Variants in SNTB1 observed in about 807,000 individuals in gnomAD.
SNTB1 encodes beta-1-syntrophin.
In SNTB1, 36 loss-of-function variants were observed where a neutral mutation model predicts 48.9. That is an observed-to-expected ratio of 0.74 (90% CI 0.56 to 0.97). SNTB1 has a LOEUF of 0.97. Among genes scored for constraint, SNTB1 ranks in the 50% least tolerant of loss-of-function variants. SNTB1 has a pLI of 0.00. For missense variants in SNTB1, 786 were observed against 703.4 expected, an observed-to-expected ratio of 1.12 and a Z score of -1.33; for synonymous variants, 299 against 294.6, an observed-to-expected ratio of 1.01 and a Z score of -0.15.
chr8:120,677,583 A>T (rs560357921), intron 2 of SNTB1, among the ~76,000 whole-genome samples: 1 of 152,316 alleles, frequency 6.6e-6, no homozygotes, highest in East Asian at 1.9e-4. Context: ...ATACTGAAAG[A>T]ATCCTTTGAT....
rs140504768 is a variant in SNTB1, at chr8:120,790,879, C to T, written c.571+20394G>A. On this transcript the variant is annotated intron_variant, in intron 1 of 6. Coordinates refer to ENST00000517992, the MANE Select transcript of SNTB1 (RefSeq NM_021021.4). ...TGTCAACATCATTTTTTAAAGAATT[C>T]GAAAAAAATCATCCTCAAATTCCTA... Among the ~76,000 whole-genome samples the T allele has an allele frequency of 2.7e-3, 403 of 151,362 alleles. 1 individual carries two copies. Among genetic ancestry groups the T allele is most frequent in the Non-Finnish European group, 3.7e-3 (253 of 67,650 alleles).
At chr8:120,643,717 T>C (rs1333264965) in intron 2 of SNTB1, among the ~76,000 whole-genome samples, 1 of 152,220 alleles carries the variant, frequency 6.6e-6, no homozygotes, top group Non-Finnish European at 1.5e-5. Context: ...ATTGTGTTGC[T>C]ATAAACATGA....
At chr8:120,762,340 G>A (rs1281434057) in intron 1 of SNTB1, among the ~76,000 whole-genome samples, 1 of 152,122 alleles carries the variant, frequency 6.6e-6, no homozygotes, top group Non-Finnish European at 1.5e-5. Flanking sequence ...TAAATAGGGT[G>A]GCGGTTCTGC....
At chr8:120,696,479 T>C (rs1378961309) in intron 1 of SNTB1, among the ~76,000 whole-genome samples, 1 of 152,178 alleles carries the variant, frequency 6.6e-6, no homozygotes, top group Non-Finnish European at 1.5e-5. Flanking sequence ...TTGAATCAGG[T>C]GCTTTACATA....
At chr8:120,670,288 T>A (rs1268790155) in intron 2 of SNTB1, among the ~76,000 whole-genome samples, 1 of 152,228 alleles carries the variant, frequency 6.6e-6, no homozygotes, top group Non-Finnish European at 1.5e-5. Flanking sequence ...GATGGTTCCA[T>A]GACACATGGG....
chr8:120,744,195 G>A (rs552301013), intron 1 of SNTB1, among the ~76,000 whole-genome samples: 14 of 150,852 alleles, frequency 9.3e-5, no homozygotes, highest in East Asian at 7.9e-4. Flanking sequence ...TCTTCACTTC[G>A]ATTTATTTCC....
At chr8:120,543,083 A>G (rs1033121481) in intron 5 of SNTB1, among the ~76,000 whole-genome samples, 2 of 152,290 alleles carry the variant, frequency 1.3e-5, no homozygotes, top group Non-Finnish European at 2.9e-5. Context: ...GCCAGCTTTT[A>G]TCTGGGATTC....
chr8:120,782,961 T>TA (rs1819854693), intron 1 of SNTB1, among the ~76,000 whole-genome samples: 2 of 152,156 alleles, frequency 1.3e-5, no homozygotes, highest in Non-Finnish European at 2.9e-5. Flanking sequence ...TAAGAATATA[T>TA]CTCTTCACAG....
chr8:120,580,440 A>T (rs1397919660), intron 3 of SNTB1, among the ~76,000 whole-genome samples: 1 of 152,224 alleles, frequency 6.6e-6, no homozygotes, highest in Non-Finnish European at 1.5e-5. Flanking sequence ...AAATGAGACA[A>T]TGTATATAAA....
Position 120,538,926 on chromosome 8 carries a change from A to G in SNTB1, c.1568T>C (p.Ile523Thr). 1 of 1,613,854 alleles carries G rather than the reference A, an allele frequency of 6.2e-7. No homozygotes were observed. Among genetic ancestry groups the G allele is most frequent in the Non-Finnish European group, 8.5e-7 (1 of 1,179,818 alleles). The change falls in exon 7 of 7, where the codon ATT becomes ACT. Residue 523 changes from isoleucine (I) to threonine (T), a missense_variant. Physicochemically the swap from Ile to Thr is moderately conservative, Grantham distance 89. Transcript: ENST00000517992. ...AATCTTAGCTGACAGGAAGGAATGA[A>G]TGATGAAAACAATTGGCTTGGGGCA... is the stretch of plus-strand genomic sequence containing the variant. ...HSCPKPIVFIIHSFLSAKITR... is the reference protein window; with the variant it reads ...HSCPKPIVFITHSFLSAKITR...
intron 2 of SNTB1, among the ~76,000 whole-genome samples, chr8:120,681,565 G>A (rs1437724188): frequency 6.6e-6 from 1 of 151,960 alleles, no homozygotes; most frequent in Non-Finnish European, 1.5e-5. Context: ...CTGAGTGTTG[G>A]GACTCTCAGA....
intron 1 of SNTB1, among the ~76,000 whole-genome samples, chr8:120,701,843 T>C (rs986973567): frequency 7.9e-5 from 12 of 152,224 alleles, no homozygotes; most frequent in Non-Finnish European, 1.8e-4. Flanking sequence ...AGTTTTAAAA[T>C]GTGGAGTTGA....
chr8:120,625,226 T>C (rs949373650), intron 3 of SNTB1, among the ~76,000 whole-genome samples: 4 of 152,182 alleles, frequency 2.6e-5, no homozygotes, highest in African/African-American at 9.7e-5. Context: ...ACATGAACAC[T>C]GGGGGACACG....
intron 3 of SNTB1, among the ~76,000 whole-genome samples, chr8:120,599,395 A>G (rs946705417): frequency 1.3e-5 from 2 of 152,276 alleles, no homozygotes; most frequent in South Asian, 4.1e-4. Context: ...CCTTGTGTGC[A>G]CATGCAGATT....
In SNTB1 at chr8:120,693,813, C is replaced by T; in HGVS notation, c.667G>A (p.Gly223Arg). The T allele has an allele frequency of 6.2e-7, 1 of 1,614,170 alleles. No homozygotes were observed. Among genetic ancestry groups the T allele is most frequent in the Non-Finnish European group, 8.5e-7 (1 of 1,180,004 alleles). Residue 223 changes from glycine (G) to arginine (R), a missense_variant, in exon 2 of 7, where the codon GGG becomes AGG. Transcript: ENST00000517992. The part of the protein sequence containing the change: ...ETPPPESPRL[G>R]GSTSDPPSSQ... ...GACGGGGGGTCTGAGGTGCTGCCCC[C>T]TAACCGAGGGGATTCAGGCGGAGGT...
chr8:120,775,703 G>T (rs1470964592), intron 1 of SNTB1, among the ~76,000 whole-genome samples: 4 of 139,886 alleles, frequency 2.9e-5, no homozygotes, highest in African/African-American at 1.1e-4. Flanking sequence ...GGGAGGGAAG[G>T]AGACAAGGAA....
rs116487818 is a variant in SNTB1, at chr8:120,550,984, G to A, written c.1137-2026C>T. Among the ~76,000 whole-genome samples, 885 of 152,182 alleles carry A rather than the reference G, an allele frequency of 5.8e-3. 9 individuals are homozygous for A. The highest frequency in any genetic ancestry group is 0.021 in the African/African-American group (852 of 41,530). Reference sequence around the variant, plus strand: ...AAGAAATTAAATAGCTCGGCCAGGCGCGGTGGCTCACTCCTGTAATCCCAG... The same window carrying A: ...AAGAAATTAAATAGCTCGGCCAGGCACGGTGGCTCACTCCTGTAATCCCAG... On this transcript the variant is annotated intron_variant, in intron 4 of 6. Transcript: ENST00000517992.
intron 1 of SNTB1, among the ~76,000 whole-genome samples, chr8:120,717,022 C>T (rs73706735): frequency 0.059 from 8,905 of 152,198 alleles, 744 homozygotes; most frequent in East Asian, 0.41. Context: ...GCACAAGGCC[C>T]TTTAACTTGT....
At chr8:120,611,523 T>C (rs1327803755) in intron 3 of SNTB1, among the ~76,000 whole-genome samples, 1 of 152,048 alleles carries the variant, frequency 6.6e-6, no homozygotes, top group Non-Finnish European at 1.5e-5. Flanking sequence ...GCCACACAGC[T>C]ATCAAGAAGG....
Sources: gnomAD v4.1 joint callset for allele counts (sites outside exome capture counted in the v4.1 genomes callset) on GRCh38, gnomAD v4.1.1 for gene constraint, MANE v1.5 for transcripts, NCBI Gene and HGNC (gene_info 2026-07-23, HGNC 2026-07-21) for gene names.